Variants in WDFY2 observed in about 807,000 individuals in gnomAD.
WDFY2 encodes the protein WD repeat and FYVE domain containing 2, also known as WD repeat and FYVE domain-containing protein 2.
A neutral mutation model predicts 56.4 loss-of-function variants in WDFY2; 36 were observed. The observed-to-expected ratio is 0.64, with a 90% CI of 0.49 to 0.84. The LOEUF (loss-of-function observed/expected upper bound fraction) is 0.84. Among genes scored for constraint, WDFY2 ranks in the 40% least tolerant of loss-of-function variants. WDFY2 has a pLI of 0.00. For synonymous variants in WDFY2, 176 were observed against 183.7 expected (o/e 0.96, Z 0.34); for missense variants, 444 against 512.2 (o/e 0.87, Z 1.29).
intron 4 of WDFY2, among the ~76,000 whole-genome samples, chr13:51,709,230 G>A (rs971937289): frequency 9.2e-5 from 14 of 152,112 alleles, no homozygotes; most frequent in African/African-American, 2.7e-4. Context: ...TTTCAAGTAC[G>A]TGGAGAAATA....
In WDFY2 at chr13:51,765,886, G is replaced by GTATC; in HGVS notation, c.*6119_*6122dup. The GTATC allele has an allele frequency of 6.6e-6, 1 of 152,234 alleles. No individual in the cohort carries two copies. The highest frequency in any genetic ancestry group is 1.5e-5 in the Non-Finnish European group (1 of 68,032). 9.4% of individuals were successfully genotyped at this position (152,234 alleles called of 1,614,324 possible). A position where few individuals can be genotyped will look rare whatever the true frequency, so the allele number is the denominator to read the frequency against. ...TGTTTACCTTTACAAGTCAAGAAGA[G>GTATC]TATCTGACTTTCTTGGAAGTGTCAA... On this transcript the variant is annotated 3_prime_UTR_variant, in exon 12 of 12. Transcript: ENST00000298125.
At chr13:51,756,516 AGCCTT>A in intron 10 of WDFY2, 54 bp downstream of exon 10, 1 of 1,566,858 alleles carries the variant, frequency 6.4e-7, no homozygotes, top group Non-Finnish European at 8.7e-7. Context: ...ATTTAATCTG[AGCCTT>A]GCACTCAGCG....
intron 10 of WDFY2, 75 bp downstream of exon 10, chr13:51,756,537 A>G: frequency 2.0e-6 from 3 of 1,517,006 alleles, no homozygotes; most frequent in Non-Finnish European, 2.7e-6. Context: ...CAGCGCCGCA[A>G]CCATCACTCA....
At chr13:51,718,156 T>C (rs1952401263) in intron 4 of WDFY2, among the ~76,000 whole-genome samples, 1 of 152,202 alleles carries the variant, frequency 6.6e-6, no homozygotes, top group African/African-American at 2.4e-5. Flanking sequence ...CAGTGTCTTC[T>C]CTGTGACCTC....
chr13:51,712,816 A>G (rs1566167271), intron 4 of WDFY2, among the ~76,000 whole-genome samples: 3 of 152,080 alleles, frequency 2.0e-5, no homozygotes, highest in South Asian at 2.1e-4. Flanking sequence ...GAGTCTAGGT[A>G]TATTTAAAGG....
intron 4 of WDFY2, among the ~76,000 whole-genome samples, chr13:51,711,373 G>A (rs1289345444): frequency 6.6e-6 from 1 of 152,112 alleles, no homozygotes; most frequent in East Asian, 1.9e-4. Flanking sequence ...CAGGACATAG[G>A]CATGGGCAAG....
intron 1 of WDFY2, among the ~76,000 whole-genome samples, chr13:51,654,093 C>T (rs1051994955): frequency 7.0e-4 from 107 of 152,326 alleles, no homozygotes; most frequent in Non-Finnish European, 2.6e-4. Context: ...CTACTCAACC[C>T]TAGGCAATGC....
chr13:51,727,593 T>A (rs1353918138), intron 5 of WDFY2, 85 bp from the exon 6 acceptor site: 2 of 1,315,630 alleles, frequency 1.5e-6, no homozygotes, highest in Admixed American at 4.0e-5. Flanking sequence ...GATTTGCGTA[T>A]TTCTTGTTAC....
At chr13:51,677,601 A>G (rs2138508645) in intron 3 of WDFY2, among the ~76,000 whole-genome samples, 1 of 152,372 alleles carries the variant, frequency 6.6e-6, no homozygotes, top group South Asian at 2.1e-4. Context: ...GAAATCAGAA[A>G]GTAACATCAT....
At chr13:51,620,671 A>G (rs1201401212) in intron 1 of WDFY2, among the ~76,000 whole-genome samples, 2 of 152,268 alleles carry the variant, frequency 1.3e-5, no homozygotes, top group East Asian at 3.9e-4. Flanking sequence ...GAGGAAGGAT[A>G]CACTCTAGCC....
At chr13:51,649,921 G>A (rs1429050307) in intron 1 of WDFY2, among the ~76,000 whole-genome samples, 1 of 152,066 alleles carries the variant, frequency 6.6e-6, no homozygotes, top group African/African-American at 2.4e-5. Flanking sequence ...GGTTCCATAT[G>A]AACTTTAAAG....
At chr13:51,673,778 T>G (rs1364468764) in intron 2 of WDFY2, among the ~76,000 whole-genome samples, 1 of 152,214 alleles carries the variant, frequency 6.6e-6, no homozygotes, top group Non-Finnish European at 1.5e-5. Context: ...ATCATTTGAT[T>G]GCTGTTTTCA....
In WDFY2 at chr13:51,765,898, C is replaced by G. The variant is rs1159477515; in HGVS notation, c.*6129C>G. On this transcript the variant is annotated 3_prime_UTR_variant, in exon 12 of 12. Coordinates refer to ENST00000298125, the MANE Select transcript of WDFY2 (RefSeq NM_052950.4). ...CAAGTCAAGAAGAGTATCTGACTTTCTTGGAAGTGTCAAGAATTGCAGGTT... is the reference window on the plus strand; with the variant it reads ...CAAGTCAAGAAGAGTATCTGACTTTGTTGGAAGTGTCAAGAATTGCAGGTT... The G allele has an allele frequency of 2.6e-5, 4 of 152,050 alleles. No individual in the cohort carries two copies. The highest frequency in any genetic ancestry group is 5.9e-5 in the Non-Finnish European group (4 of 68,020). The allele number at this position is 152,050 out of a possible 1,614,324, so 9.4% of individuals were successfully genotyped here.
At chr13:51,733,490 A>G (rs1952768490) in intron 6 of WDFY2, among the ~76,000 whole-genome samples, 1 of 152,260 alleles carries the variant, frequency 6.6e-6, no homozygotes. Context: ...AGCTTCAGGC[A>G]TTATTCTCAG....
chr13:51,679,629 A>G (rs770651973), intron 3 of WDFY2, among the ~76,000 whole-genome samples: 2 of 152,128 alleles, frequency 1.3e-5, no homozygotes. Flanking sequence ...TACAGTATAC[A>G]TTACTGTTAG....
At chr13:51,604,514 T>C (rs1954349126) in intron 1 of WDFY2, among the ~76,000 whole-genome samples, 1 of 152,196 alleles carries the variant, frequency 6.6e-6, no homozygotes, top group African/African-American at 2.4e-5. Flanking sequence ...AGAAGGTCAC[T>C]AGACATTATG....
At chr13:51,602,419 G>A (rs1051578297) in intron 1 of WDFY2, among the ~76,000 whole-genome samples, 1 of 152,232 alleles carries the variant, frequency 6.6e-6, no homozygotes, top group Non-Finnish European at 1.5e-5. Context: ...TAGATATGTA[G>A]TAGGCTATGT....
intron 10 of WDFY2, 146 bp from the exon 11 acceptor site, chr13:51,758,046 G>A (rs569534120): frequency 4.8e-6 from 2 of 418,836 alleles, no homozygotes; most frequent in African/African-American, 2.0e-5. Context: ...TGGTCACCAG[G>A]GAATAAAGGC....
chr13:51,741,115 T>A (rs1336209147), intron 7 of WDFY2, among the ~76,000 whole-genome samples: 1 of 152,238 alleles, frequency 6.6e-6, no homozygotes, highest in Non-Finnish European at 1.5e-5. Flanking sequence ...CAAATAGCTC[T>A]TCCAGTTTCT....
Sources: allele counts gnomAD v4.1 joint callset (sites outside exome capture counted in the v4.1 genomes callset), GRCh38; gene constraint gnomAD v4.1.1; transcripts MANE v1.5; gene names NCBI Gene and HGNC (gene_info 2026-07-23, HGNC 2026-07-21).